The following DBX2 variants were observed in gnomAD, a reference collection of about 807,000 sequenced individuals.
DBX2 encodes developing brain homeobox 2.
A neutral mutation model predicts 17.7 loss-of-function variants in DBX2; 16 were observed. The ratio of observed to expected loss-of-function variants is 0.90; its 90% CI spans 0.61 to 1.37. The LOEUF is 1.37. Among genes scored for constraint, DBX2 ranks in the 40% most tolerant of loss-of-function variants. The probability of loss-of-function intolerance (pLI) is 0.00; values close to 1 mark genes in which losing one functional copy is unlikely to be tolerated. For missense variants in DBX2, 538 were observed against 433.8 expected (o/e 1.24, Z -2.13); for synonymous variants, 255 against 183.8 (o/e 1.39, Z -3.13).
intron 2 of DBX2, among the ~76,000 whole-genome samples, chr12:45,030,402 T>C (rs1946403354): frequency 1.3e-5 from 2 of 152,194 alleles, no homozygotes; most frequent in Non-Finnish European, 2.9e-5. Flanking sequence ...CACCAATAAC[T>C]CATGTTAATC....
At chr12:45,026,501 G>T (rs934743700) in intron 2 of DBX2, among the ~76,000 whole-genome samples, 3 of 152,110 alleles carry the variant, frequency 2.0e-5, no homozygotes, top group African/African-American at 7.2e-5. Context: ...CTTTGTTCAA[G>T]GTCACAAAGC....
chr12:45,024,581 CATTT>C (rs1946371487), intron 2 of DBX2, among the ~76,000 whole-genome samples: 1 of 152,182 alleles, frequency 6.6e-6, no homozygotes, highest in Admixed American at 6.5e-5. Context: ...TCTAATTCTT[CATTT>C]GTTTATTTAT....
At chr12:45,048,783 G>C (rs571247239) in intron 1 of DBX2, among the ~76,000 whole-genome samples, 1 of 152,206 alleles carries the variant, frequency 6.6e-6, no homozygotes, top group African/African-American at 2.4e-5. Context: ...TTGTTCAAAT[G>C]AAAATTAATC....
intron 2 of DBX2, among the ~76,000 whole-genome samples, chr12:45,027,051 C>T (rs1355858421): frequency 1.3e-5 from 2 of 152,152 alleles, no homozygotes; most frequent in Non-Finnish European, 2.9e-5. Flanking sequence ...TCAATATGTG[C>T]ATCTTTTTAC....
At chr12:45,046,390 C>G (rs1163537049) in intron 1 of DBX2, among the ~76,000 whole-genome samples, 1 of 152,082 alleles carries the variant, frequency 6.6e-6, no homozygotes, top group African/African-American at 2.4e-5. Flanking sequence ...TAGCATAGGT[C>G]CCATCACTAT....
intron 2 of DBX2, among the ~76,000 whole-genome samples, chr12:45,028,049 C>T (rs962498283): frequency 6.6e-6 from 1 of 152,180 alleles, no homozygotes; most frequent in Non-Finnish European, 1.5e-5. Flanking sequence ...ACAGCAATTC[C>T]TCTTGCTGGC....
At position 45,016,251 on chromosome 12, in the gene DBX2, C is replaced by A. The variant is rs545153567; in HGVS notation, c.*35G>T. 1 of 1,523,962 alleles carries A rather than the reference C, an allele frequency of 6.6e-7. No homozygotes were observed. Among genetic ancestry groups the A allele is most frequent in the Middle Eastern group, 1.8e-4 (1 of 5,634 alleles). 94.4% of individuals were successfully genotyped at this position (1,523,962 alleles called of 1,614,324 possible). On this transcript the variant is annotated 3_prime_UTR_variant, in exon 4 of 4. Transcript: ENST00000332700. ...TTAGAGTCCAGATGTTACTATTAAG[C>A]GTTCTTTTAAATGAACACGGAGGAA...
intron 2 of DBX2, among the ~76,000 whole-genome samples, chr12:45,034,284 T>A (rs900851093): frequency 6.6e-6 from 1 of 152,062 alleles, no homozygotes; most frequent in Non-Finnish European, 1.5e-5. Flanking sequence ...CCTCTTTTGA[T>A]CTCCACTCCC....
At chr12:45,022,019 T>G (rs1366217023) in intron 3 of DBX2, among the ~76,000 whole-genome samples, 1 of 152,182 alleles carries the variant, frequency 6.6e-6, no homozygotes, top group Non-Finnish European at 1.5e-5. Context: ...AAGATCTGGC[T>G]GCTGATTTAT....
intron 2 of DBX2, among the ~76,000 whole-genome samples, chr12:45,031,225 T>TGTGTGTGTGTGTGTGA (rs1377897653): frequency 1.6e-3 from 140 of 85,642 alleles, no homozygotes; most frequent in African/African-American, 5.5e-3. Context: ...TGTGTGTGTG[T>TGTGTGTGTGTGTGTGA]GAGAGAGAGA....
intron 2 of DBX2, among the ~76,000 whole-genome samples, chr12:45,024,690 C>G (rs1946372243): frequency 1.3e-5 from 2 of 152,182 alleles, no homozygotes; most frequent in South Asian, 4.1e-4. Flanking sequence ...TTTAATTGCT[C>G]TCATTACCTG....
chr12:45,016,295 C>A lies in DBX2; in HGVS notation c.1011G>T (p.Gly337=). Reference sequence around the variant, plus strand: ...GGAGGAATGCTTCCATTCAGACAGCCCCAGTAAGTACACCCTTGCTTCCAG... The same window carrying A: ...GGAGGAATGCTTCCATTCAGACAGCACCAGTAAGTACACCCTTGCTTCCAG... ...EEAGSKGVLT[G]AV is the part of the protein sequence containing the mutation. The change falls in exon 4 of 4, where the codon GGG becomes GGT. Residue 337 remains glycine, a synonymous_variant. Coordinates refer to ENST00000332700, the MANE Select transcript of DBX2 (RefSeq NM_001004329.3). 1 of 1,566,550 alleles carries A rather than the reference C, an allele frequency of 6.4e-7. No individual in the cohort carries two copies. The highest frequency in any genetic ancestry group is 8.6e-7 in the Non-Finnish European group (1 of 1,159,702).
intron 2 of DBX2, among the ~76,000 whole-genome samples, chr12:45,024,538 T>C (rs1946371137): frequency 6.6e-6 from 1 of 152,238 alleles, no homozygotes; most frequent in Non-Finnish European, 1.5e-5. Context: ...CGATACGGAT[T>C]AAGTAGTAGG....
chr12:45,031,146 G>A (rs1946406848), intron 2 of DBX2, among the ~76,000 whole-genome samples: 1 of 148,674 alleles, frequency 6.7e-6, no homozygotes, highest in African/African-American at 2.5e-5. Flanking sequence ...CTATCTTTCA[G>A]GGGCTTCTCT....
At chr12:45,024,563 C>T (rs1458518444) in intron 2 of DBX2, among the ~76,000 whole-genome samples, 1 of 152,222 alleles carries the variant, frequency 6.6e-6, no homozygotes, top group African/African-American at 2.4e-5. Flanking sequence ...TTAAATACTT[C>T]ATTTTTCTCT....
At chr12:45,038,827 T>C (rs1946454081) in intron 1 of DBX2, among the ~76,000 whole-genome samples, 1 of 152,016 alleles carries the variant, frequency 6.6e-6, no homozygotes, top group East Asian at 1.9e-4. Flanking sequence ...ACCATTTTAA[T>C]TGAATAGTCT....
intron 1 of DBX2, among the ~76,000 whole-genome samples, chr12:45,049,954 C>T (rs1293631518): frequency 2.6e-5 from 4 of 152,194 alleles, no homozygotes; most frequent in African/African-American, 7.2e-5. Context: ...TTTCTTTGCG[C>T]CTAAAGTGAT....
At position 45,026,311 on chromosome 12, in the gene DBX2, T is replaced by C. The variant is rs750554317; in HGVS notation, c.500-2417A>G. On this transcript the variant is annotated intron_variant, in intron 2 of 3. Coordinates refer to ENST00000332700, the MANE Select transcript of DBX2 (RefSeq NM_001004329.3). Reference sequence around the variant, plus strand: ...GGTTTGGGTAGGTAACAAAGATCAATAGAAGCAGGGCAGGACATAATAATA... The same window carrying C: ...GGTTTGGGTAGGTAACAAAGATCAACAGAAGCAGGGCAGGACATAATAATA... Among the ~76,000 whole-genome samples the C allele has an allele frequency of 2.0e-5, 3 of 152,174 alleles. No homozygotes were observed. The South Asian group carries it at 6.2e-4, about 32-fold the overall frequency.
chr12:45,025,158 G>A (rs1308648796), intron 2 of DBX2, among the ~76,000 whole-genome samples: 1 of 152,230 alleles, frequency 6.6e-6, no homozygotes, highest in Non-Finnish European at 1.5e-5. Context: ...CTGACCTTGA[G>A]ATGAAGAGCG....
Sources: gnomAD v4.1 joint callset for allele counts (sites outside exome capture counted in the v4.1 genomes callset) on GRCh38, gnomAD v4.1.1 for gene constraint, MANE v1.5 for transcripts, NCBI Gene and HGNC (gene_info 2026-07-23, HGNC 2026-07-21) for gene names.